Variants in USP9X observed in about 807,000 individuals in gnomAD.
The protein encoded by USP9X is ubiquitin specific peptidase 9 X-linked.
In USP9X, 7 loss-of-function variants were observed where a neutral mutation model predicts 190.3. The ratio of observed to expected loss-of-function variants is 0.04; its 90% CI spans 0.02 to 0.07. USP9X has a LOEUF of 0.07. Among genes scored for constraint, USP9X ranks in the 10% least tolerant of loss-of-function variants. USP9X has a pLI of 1.00. For synonymous variants in USP9X, 645 were observed against 659.5 expected, an observed-to-expected ratio of 0.98 and a Z score of 0.34; for missense variants, 1,010 against 1,916.9, an observed-to-expected ratio of 0.53 and a Z score of 8.83.
Position 41,173,504 on chromosome X carries a change from A to C in USP9X, c.3148+1546A>C, listed in dbSNP as rs1406887298. On this transcript the variant is annotated intron_variant, in intron 21 of 44. Coordinates refer to ENST00000378308, the MANE Select transcript of USP9X (RefSeq NM_001039591.3). ...GTATAATTCAAGAACACTTGAGAGT[A>C]ATTTACTGGTTTTTGTAGTCCCATC... 3.6e-5 allele frequency among the ~76,000 whole-genome samples: 4 copies of C among 111,756 alleles called. No homozygotes were observed. In the East Asian group the frequency reaches 1.1e-3, roughly 31 times the overall value.
At position 41,226,493 on chromosome X, in the gene USP9X, TAAAAC is replaced by T. The variant is rs756684924; in HGVS notation, c.7061+1360_7061+1364del. On this transcript the variant is annotated intron_variant, in intron 41 of 44. Coordinates refer to ENST00000378308, the MANE Select transcript of USP9X (RefSeq NM_001039591.3). ...GTTTGCCTCCCATCTGCCAAGGTAA[TAAAAC>T]AAACTTAAAAACAAGTTCTGTAACA... Among the ~76,000 whole-genome samples the T allele has an allele frequency of 4.3e-3, 477 of 112,009 alleles. 2 individuals carry two copies. The highest frequency in any genetic ancestry group is 0.015 in the African/African-American group (453 of 30,895).
intron 14 of USP9X, among the ~76,000 whole-genome samples, chrX:41,157,577 A>G (rs2062590314): frequency 9.0e-6 from 1 of 111,497 alleles, no homozygotes; most frequent in African/African-American, 3.3e-5. Context: ...TATATCCCAT[A>G]GCCATAGCCC....
At chrX:41,184,223 G>T in intron 22 of USP9X, 95 bp downstream of exon 22, 2 of 1,038,238 alleles carry the variant, frequency 1.9e-6, no homozygotes, top group Non-Finnish European at 2.6e-6. Flanking sequence ...ATATGGTAAG[G>T]TGAATGATTT....
Position 41,182,952 on chromosome X carries a change from T to C in USP9X, c.3149-1046T>C, listed in dbSNP as rs200334219. ...GAAAATCATAGTTTTTTTTTTTTTT[T>C]CTGGAGATGGAGTTTCGCTCTTGTT... On this transcript the variant is annotated intron_variant, in intron 21 of 44. Transcript: ENST00000378308. 4.1e-3 allele frequency among the ~76,000 whole-genome samples: 395 copies of C among 95,524 alleles called. 1 individual carries two copies. The highest frequency in any genetic ancestry group is 7.2e-3 in the Non-Finnish European group (338 of 47,261). The allele number at this position is 95,524 out of a possible 115,157, so 83.0% of individuals were successfully genotyped here. A position where few individuals can be genotyped will look rare whatever the true frequency, so the allele number is the denominator to read the frequency against.
chrX:41,189,904 A>G (rs2062915777), intron 26 of USP9X: 1 of 113,814 alleles, frequency 8.8e-6, no homozygotes, highest in Admixed American at 9.3e-5. Context: ...AATAAAGATC[A>G]GTTATAAAGC....
chrX:41,234,510 A>C lies in USP9X; in HGVS notation c.*1986A>C, dbSNP rs2063387154. 8.9e-6 allele frequency: 1 copy of C among 112,014 alleles called. No homozygotes were observed. The highest frequency in any genetic ancestry group is 3.7e-4 in the South Asian group (1 of 2,719). The allele number at this position is 112,014 out of a possible 1,213,427, so 9.2% of individuals were successfully genotyped here. On this transcript the variant is annotated 3_prime_UTR_variant, in exon 45 of 45. Transcript: ENST00000378308. Reference sequence around the variant, plus strand: ...TTTTGACACCGATACTTTGAGTGAAAGTCACACACGGTGTTTGCAATTCCA... The same window carrying C: ...TTTTGACACCGATACTTTGAGTGAACGTCACACACGGTGTTTGCAATTCCA...
chrX:41,219,314 A>C, intron 38 of USP9X, 83 bp downstream of exon 38: 1 of 973,709 alleles, frequency 1.0e-6, no homozygotes, highest in South Asian at 2.5e-5. Context: ...ATGAAATATA[A>C]TCTGATCTGA....
At chrX:41,134,981 T>G (rs900967580) in intron 5 of USP9X, 144 bp downstream of exon 5, 1 of 414,681 alleles carries the variant, frequency 2.4e-6, no homozygotes, top group South Asian at 6.4e-5. Context: ...TTAAAAATGT[T>G]TATAAATTAA....
At chrX:41,154,720 G>C (rs1452270688) in intron 14 of USP9X, among the ~76,000 whole-genome samples, 1 of 111,652 alleles carries the variant, frequency 9.0e-6, no homozygotes. Context: ...AAACATATTA[G>C]CTGTATGACT....
intron 1 of USP9X, among the ~76,000 whole-genome samples, chrX:41,101,860 C>T (rs2062036780): frequency 9.0e-6 from 1 of 111,696 alleles, no homozygotes; most frequent in African/African-American, 3.3e-5. Flanking sequence ...AAATGAAGTA[C>T]TGATACATGC....
intron 21 of USP9X, among the ~76,000 whole-genome samples, chrX:41,175,692 G>A (rs1032052205): frequency 1.3e-4 from 14 of 110,792 alleles, no homozygotes; most frequent in African/African-American, 4.6e-4. Context: ...TCGATGTATT[G>A]TTGCTCCCTG....
intron 31 of USP9X, among the ~76,000 whole-genome samples, chrX:41,202,939 G>A (rs1224125688): frequency 9.0e-6 from 1 of 111,222 alleles, no homozygotes; most frequent in Non-Finnish European, 1.9e-5. Flanking sequence ...GTTTTTGTGG[G>A]GTTTTTTGGG....
rs752034739 is a variant in USP9X at position 41,171,854 on chromosome X, C to T, written c.3044C>T (p.Pro1015Leu). ...ATATTCTAGATAATGTCACTGCATCCCAGATACATCTCTTTTCTTTGGCAA... is the reference window on the plus strand; with the variant it reads ...ATATTCTAGATAATGTCACTGCATCTCAGATACATCTCTTTTCTTTGGCAA... ...CLPGVIMSLH[P>L]RYISFLWQVA... is the part of the protein sequence containing the mutation. Residue 1015 changes from proline (P) to leucine (L), a missense_variant, in exon 21 of 45, where the codon CCC (proline) becomes CTC (leucine). Physicochemically the swap from Pro to Leu is moderately conservative, Grantham distance 98 (BLOSUM62 -3). Coordinates refer to ENST00000378308, the MANE Select transcript of USP9X (RefSeq NM_001039591.3). 7.5e-6 allele frequency: 9 copies of T among 1,207,296 alleles called. No homozygotes were observed. The highest frequency in any genetic ancestry group is 1.0e-5 in the Non-Finnish European group (9 of 893,592).
At chrX:41,088,143 C>T (rs2146900506) in intron 1 of USP9X, among the ~76,000 whole-genome samples, 1 of 111,506 alleles carries the variant, frequency 9.0e-6, no homozygotes, top group East Asian at 2.8e-4. Flanking sequence ...GCCATCACGC[C>T]CGGCTAATTT....
chrX:41,155,831 G>T (rs2062573720), intron 14 of USP9X, among the ~76,000 whole-genome samples: 1 of 112,004 alleles, frequency 8.9e-6, no homozygotes, highest in African/African-American at 3.2e-5. Flanking sequence ...GCGTGGAACA[G>T]GGAAAGTACC....
At chrX:41,154,268 C>G (rs1483326970) in intron 14 of USP9X, among the ~76,000 whole-genome samples, 1 of 111,146 alleles carries the variant, frequency 9.0e-6, no homozygotes, top group Admixed American at 9.6e-5. Flanking sequence ...CAAGGCAATA[C>G]AACCATGTGA....
At chrX:41,103,647 C>T (rs1390032985) in intron 1 of USP9X, among the ~76,000 whole-genome samples, 1 of 112,047 alleles carries the variant, frequency 8.9e-6, no homozygotes, top group African/African-American at 3.3e-5. Flanking sequence ...GAGCAGTAAG[C>T]ATAAGGAATT....
chrX:41,183,479 A>C (rs1484598083), intron 21 of USP9X, among the ~76,000 whole-genome samples: 2 of 111,554 alleles, frequency 1.8e-5, no homozygotes, highest in African/African-American at 3.3e-5. Flanking sequence ...ATTATGACAA[A>C]AGGACAAAAG....
At chrX:41,182,098 G>C (rs1295110824) in intron 21 of USP9X, among the ~76,000 whole-genome samples, 2 of 112,032 alleles carry the variant, frequency 1.8e-5, no homozygotes, top group African/African-American at 3.2e-5. Context: ...CACTACTTCT[G>C]ACCGGGTCAC....
Sources: allele counts gnomAD v4.1 joint callset (sites outside exome capture counted in the v4.1 genomes callset), GRCh38; gene constraint gnomAD v4.1.1; transcripts MANE v1.5; gene names NCBI Gene and HGNC (gene_info 2026-07-23, HGNC 2026-07-21).